Variants in RIMBP2 observed in about 807,000 individuals in gnomAD.
RIMBP2 encodes the protein RIMS binding protein 2.
RIMBP2 carries 48 observed loss-of-function variants against 118.6 expected under a neutral mutation model. The observed-to-expected ratio is 0.40, with a 90% CI of 0.32 to 0.51. The LOEUF (loss-of-function observed/expected upper bound fraction) is 0.51, where lower values mean the gene tolerates loss of function less well. Among genes scored for constraint, RIMBP2 ranks in the 20% least tolerant of loss-of-function variants. The probability of loss-of-function intolerance (pLI) is 0.41; values close to 1 mark genes in which losing one functional copy is unlikely to be tolerated. For synonymous variants in RIMBP2, 762 were observed against 742.9 expected, an observed-to-expected ratio of 1.03 and a Z score of -0.42; for missense variants, 1,551 against 1,768.3, an observed-to-expected ratio of 0.88 and a Z score of 2.20.
chr12:130,644,321 T>C (rs67926768), intron 1 of RIMBP2, among the ~76,000 whole-genome samples: 10,897 of 152,234 alleles, frequency 0.072, 1,300 homozygotes, highest in African/African-American at 0.25. Flanking sequence ...TTAGCTTTCA[T>C]GAGCTGCTCA....
chr12:130,424,230 C>G lies in RIMBP2; in HGVS notation c.3041G>C (p.Gly1014Ala), dbSNP rs1345845686. The G allele has an allele frequency of 6.5e-6, 8 of 1,231,910 alleles. No individual in the cohort carries two copies. The highest frequency in any genetic ancestry group is 4.2e-5 in the Admixed American group (1 of 23,698). 76.3% of individuals were successfully genotyped at this position (1,231,910 alleles called of 1,614,324 possible). A position where few individuals can be genotyped will look rare whatever the true frequency, so the allele number is the denominator to read the frequency against. ...CATGGTTATGCTTTTCTTCCAGACA[C>G]CCCGAAAATCTTGGTGCTCGGTGGG... ...GEPTEHQDFR[G>A]VWKKSITMPD... Residue 1014 changes from glycine to alanine, a missense_variant, in exon 16 of 23, where the codon GGT becomes GCT. This residue lies in a region of RIMBP2 where 1,038 missense variants were observed against 1,125.1 expected (regional missense o/e 0.92). Coordinates refer to ENST00000690449, the MANE Select transcript of RIMBP2 (RefSeq NM_001393629.1). The surrounding 1 kb of genome is among the most constrained non-coding windows in gnomAD (Gnocchi z 9.8).
At chr12:130,483,973 C>T (rs1216682844) in intron 4 of RIMBP2, among the ~76,000 whole-genome samples, 1 of 152,050 alleles carries the variant, frequency 6.6e-6, no homozygotes, top group Non-Finnish European at 1.5e-5. Flanking sequence ...ACAGGGGCTG[C>T]GAGGGCTTCC....
chr12:130,521,752 G>C (rs1354893283), intron 2 of RIMBP2, among the ~76,000 whole-genome samples: 1 of 152,172 alleles, frequency 6.6e-6, no homozygotes, highest in East Asian at 1.9e-4. Flanking sequence ...TCTTAGCTTT[G>C]TGACCTGAAA....
intron 4 of RIMBP2, among the ~76,000 whole-genome samples, chr12:130,500,748 C>G (rs994177993): frequency 6.6e-6 from 1 of 152,020 alleles, no homozygotes; most frequent in East Asian, 1.9e-4. Context: ...GCCGCATGTC[C>G]CCTCTTACCC....
At chr12:130,587,678 G>A (rs913412352) in intron 2 of RIMBP2, among the ~76,000 whole-genome samples, 1 of 80,150 alleles carries the variant, frequency 1.2e-5, no homozygotes, top group African/African-American at 5.5e-5. Context: ...GGGGACTGTG[G>A]TGGGGTGGGG....
chr12:130,659,172 G>T (rs947025969), intron 1 of RIMBP2, among the ~76,000 whole-genome samples: 4 of 152,156 alleles, frequency 2.6e-5, no homozygotes, highest in Non-Finnish European at 5.9e-5. Flanking sequence ...CTGTCTAGTG[G>T]TCACCTTAAA....
chr12:130,577,977 C>G lies in RIMBP2; in HGVS notation c.-217+50345G>C, dbSNP rs559925659. On this transcript the variant is annotated intron_variant, in intron 2 of 22. Transcript: ENST00000690449. ...TCACAATGTCTACATCATCAAACAC[C>G]CTGCCATACATCTTATATAGCTACG... Among the ~76,000 whole-genome samples the G allele has an allele frequency of 5.9e-5, 9 of 152,246 alleles. No individual in the cohort carries two copies. In the South Asian group the frequency reaches 1.9e-3, roughly 32 times the overall value.
In RIMBP2 at chr12:130,688,777, C is replaced by T. The variant is rs2065181199; in HGVS notation, c.-352+27445G>A. On this transcript the variant is annotated intron_variant, in intron 1 of 22. Coordinates refer to ENST00000690449, the MANE Select transcript of RIMBP2 (RefSeq NM_001393629.1). This position sits in a 1 kb window ranked among gnomAD's most constrained non-coding sequence, Gnocchi z 4.7. ...ATACAGAGACACAGAACCACCTCCA[C>T]CACCACTGTCTCCTCCGGCCCCCAA... is the stretch of plus-strand genomic sequence containing the variant. 6.6e-6 allele frequency among the ~76,000 whole-genome samples: 1 copy of T among 152,228 alleles called. No homozygotes were observed. The highest frequency in any genetic ancestry group is 2.4e-5 in the African/African-American group (1 of 41,466).
intron 1 of RIMBP2, among the ~76,000 whole-genome samples, chr12:130,655,141 C>T (rs974248890): frequency 6.6e-6 from 1 of 152,164 alleles, no homozygotes; most frequent in Non-Finnish European, 1.5e-5. Flanking sequence ...CTAGAGGTCT[C>T]TACAGGGAGA....
chr12:130,637,505 T>G (rs1317234053), intron 1 of RIMBP2, among the ~76,000 whole-genome samples: 1 of 152,200 alleles, frequency 6.6e-6, no homozygotes, highest in Non-Finnish European at 1.5e-5. Context: ...CCCATTAAAA[T>G]GAAAGCAATG....
In RIMBP2 at chr12:130,441,899, C is replaced by G. The variant is rs2078169376; in HGVS notation, c.1453G>C (p.Glu485Gln). The change falls in exon 11 of 23, where the codon GAG (glutamate) becomes CAG (glutamine). Residue 485 changes from glutamate to glutamine, a missense_variant. This residue lies in a region of RIMBP2 where 1,038 missense variants were observed against 1,125.1 expected (regional missense o/e 0.92). Transcript: ENST00000690449. Reference protein sequence around the residue: ...PHQMPWQLPLEQREKKEAFVE... With the variant: ...PHQMPWQLPLQQREKKEAFVE... ...AAGGCCTCCTTCTTCTCCCTTTGCT[C>G]CAGCGGGAGCTGCCACGGCATCTGG... 6.2e-7 allele frequency: 1 copy of G among 1,613,846 alleles called. No homozygotes were observed. Among genetic ancestry groups the G allele is most frequent in the East Asian group, 2.2e-5 (1 of 44,874 alleles).
chr12:130,645,151 G>A (rs985777277), intron 1 of RIMBP2, among the ~76,000 whole-genome samples: 8 of 151,246 alleles, frequency 5.3e-5, no homozygotes, highest in East Asian at 1.9e-4. Flanking sequence ...GTGCAGTGGC[G>A]CAATCTTGGC....
chr12:130,533,999 C>T (rs2053749678), intron 2 of RIMBP2, among the ~76,000 whole-genome samples: 1 of 151,634 alleles, frequency 6.6e-6, no homozygotes, highest in African/African-American at 2.4e-5. Context: ...AACCCCATCT[C>T]TGCTAAAAAT....
chr12:130,515,702 A>AT (rs34092889), intron 3 of RIMBP2, among the ~76,000 whole-genome samples: 7,789 of 149,632 alleles, frequency 0.052, 261 homozygotes, highest in South Asian at 0.16. Context: ...CTCCTTTTCA[A>AT]TTTTTTTTTT....
chr12:130,536,253 A>G (rs2054073701), intron 2 of RIMBP2, among the ~76,000 whole-genome samples: 1 of 152,112 alleles, frequency 6.6e-6, no homozygotes, highest in South Asian at 2.1e-4. Context: ...AAACATAAAT[A>G]TAATTTTGGG....
rs1105198 is a variant in RIMBP2, at chr12:130,424,521, G to T, written c.2750C>A (p.Pro917Gln). Residue 917 changes from proline to glutamine, a missense_variant, in exon 16 of 23, where the codon CCG becomes CAG. Transcript: ENST00000690449. The surrounding 1 kb of genome is among the most constrained non-coding windows in gnomAD (Gnocchi z 9.8). ...CRFSRSATRS[P>Q]DSGLDCGSEE... ...ACTCCCACAGTCCAGGCCGCTGTCC[G>T]GGCTCCGGGTGGCCGAGCGGCTGAA... is the stretch of plus-strand genomic sequence containing the variant. 1.1e-5 allele frequency: 13 copies of T among 1,231,872 alleles called. No homozygotes were observed. The highest frequency in any genetic ancestry group is 1.3e-5 in the Non-Finnish European group (13 of 987,862). The allele number at this position is 1,231,872 out of a possible 1,614,324, so 76.3% of individuals were successfully genotyped here.
At position 130,578,658 on chromosome 12, in the gene RIMBP2, G is replaced by A. The variant is rs114862236; in HGVS notation, c.-217+49664C>T. ...CTCATTCCTTGACATTCAGCTCTCA[G>A]CGCAAATGCCCCCTTCTCAGAGACT... On this transcript the variant is annotated intron_variant, in intron 2 of 22. Coordinates refer to ENST00000690449, the MANE Select transcript of RIMBP2 (RefSeq NM_001393629.1). The surrounding 1 kb of genome is among the most constrained non-coding windows in gnomAD (Gnocchi z 4.1). 1.1e-3 allele frequency among the ~76,000 whole-genome samples: 165 copies of A among 152,244 alleles called. No individual in the cohort carries two copies. The highest frequency in any genetic ancestry group is 3.8e-3 in the African/African-American group (158 of 41,546).
chr12:130,532,063 G>T (rs79805193), intron 2 of RIMBP2, among the ~76,000 whole-genome samples: 173 of 101,694 alleles, frequency 1.7e-3, no homozygotes, highest in East Asian at 0.011. Context: ...CCTCTAGGAG[G>T]TACGTCTAAT....
intron 2 of RIMBP2, among the ~76,000 whole-genome samples, chr12:130,556,980 C>A (rs1566257441): frequency 6.6e-6 from 1 of 152,028 alleles, no homozygotes; most frequent in Non-Finnish European, 1.5e-5. Context: ...TGTCCATGAC[C>A]CCAAGTTCAT....
Sources: gnomAD v4.1 joint callset for allele counts (sites outside exome capture counted in the v4.1 genomes callset) on GRCh38, gnomAD v4.1.1 for gene constraint, gnomAD v4.1.1 regional missense constraint, Gnocchi (gnomAD v3.1) non-coding constraint, MANE v1.5 for transcripts, NCBI Gene and HGNC (gene_info 2026-07-23, HGNC 2026-07-21) for gene names.